The following SVIL variants were observed in gnomAD, a reference collection of about 807,000 sequenced individuals.
SVIL encodes the protein supervillin.
Under a neutral mutation model 240.4 loss-of-function variants are expected in SVIL, and 101 were observed. The ratio of observed to expected loss-of-function variants is 0.42; its 90% CI spans 0.36 to 0.50. SVIL has a LOEUF of 0.50. Ranked by LOEUF, SVIL falls within the 20% of genes least tolerant of loss-of-function variation. The pLI, the probability that SVIL is intolerant of heterozygous loss-of-function variation, is 0.01. For synonymous variants in SVIL, 999 were observed against 1,100.0 expected, an observed-to-expected ratio of 0.91 and a Z score of 1.82; for missense variants, 2,512 against 2,818.7, an observed-to-expected ratio of 0.89 and a Z score of 2.46.
At chr10:29,609,083 A>G (rs1481757656) in intron 1 of SVIL, among the ~76,000 whole-genome samples, 1 of 152,094 alleles carries the variant, frequency 6.6e-6, no homozygotes, top group Non-Finnish European at 1.5e-5. Context: ...GGAGCTACCC[A>G]CTTTGGGTCT....
intron 2 of SVIL, among the ~76,000 whole-genome samples, chr10:29,679,516 G>A (rs1005496933): frequency 1.3e-5 from 2 of 151,174 alleles, no homozygotes; most frequent in African/African-American, 2.4e-5. Flanking sequence ...GTCTGAAGAT[G>A]AATGATTAGA....
At chr10:29,469,971 A>G (rs1160276515) in intron 32 of SVIL, among the ~76,000 whole-genome samples, 2 of 152,146 alleles carry the variant, frequency 1.3e-5, no homozygotes, top group African/African-American at 4.8e-5. Context: ...TTCTCATCCA[A>G]AAGCTGAACG....
chr10:29,696,885 G>A (rs1157932276), intron 1 of SVIL, among the ~76,000 whole-genome samples: 14 of 145,088 alleles, frequency 9.6e-5, no homozygotes, highest in East Asian at 4.4e-4. Flanking sequence ...CTGCCCGGCC[G>A]CCCCTACTGG....
intron 21 of SVIL, among the ~76,000 whole-genome samples, chr10:29,491,820 G>A (rs1178974396): frequency 6.6e-6 from 1 of 152,224 alleles, no homozygotes; most frequent in Non-Finnish European, 1.5e-5. Context: ...TACTTAAACA[G>A]TGACATTGTG....
chr10:29,474,976 C>G (rs1383083034), intron 29 of SVIL, among the ~76,000 whole-genome samples: 2 of 152,198 alleles, frequency 1.3e-5, no homozygotes, highest in East Asian at 3.9e-4. Flanking sequence ...ACTGCACAGG[C>G]ACTCGGTAAA....
chr10:29,470,140 C>T, intron 32 of SVIL, 136 bp downstream of exon 32: 1 of 990,934 alleles, frequency 1.0e-6, no homozygotes. Flanking sequence ...GGCCCCTGAC[C>T]ACGTTCCCAG....
At chr10:29,591,394 C>T (rs1316370216) in intron 1 of SVIL, among the ~76,000 whole-genome samples, 1 of 152,132 alleles carries the variant, frequency 6.6e-6, no homozygotes, top group East Asian at 1.9e-4. Flanking sequence ...AACTAAGAGG[C>T]TTTATTGTCA....
chr10:29,698,539 T>C (rs1419304531), intron 1 of SVIL, among the ~76,000 whole-genome samples: 1 of 148,304 alleles, frequency 6.7e-6, no homozygotes, highest in African/African-American at 2.5e-5. Context: ...GTGTTGTATG[T>C]ATGGTGACTT....
chr10:29,693,215 A>C (rs1212403057), intron 1 of SVIL, among the ~76,000 whole-genome samples: 1 of 151,874 alleles, frequency 6.6e-6, no homozygotes, highest in African/African-American at 2.4e-5. Context: ...CCCAGGTGTT[A>C]GAGACAAGTC....
chr10:29,545,177 T>C, intron 6 of SVIL: 1 of 499,922 alleles, frequency 2.0e-6, no homozygotes, highest in Non-Finnish European at 4.1e-6. Flanking sequence ...GTTTTTAGAC[T>C]AAAATCTCTC....
intron 3 of SVIL, among the ~76,000 whole-genome samples, chr10:29,651,206 C>T (rs1002504847): frequency 1.3e-5 from 2 of 152,126 alleles, no homozygotes; most frequent in African/African-American, 4.8e-5. Context: ...GAAGGGCTGG[C>T]TCCCAGGAAG....
chr10:29,509,328 AGG>A (rs1564540828), intron 17 of SVIL, among the ~76,000 whole-genome samples: 2,502 of 91,704 alleles, frequency 0.027, 74 homozygotes, highest in Admixed American at 0.074. Context: ...AAGGAGGGGG[AGG>A]GAGAGAGAGA....
chr10:29,627,859 T>C (rs1016670211), intron 1 of SVIL, among the ~76,000 whole-genome samples: 2 of 152,328 alleles, frequency 1.3e-5, no homozygotes, highest in East Asian at 3.9e-4. Context: ...ATAAAAAATG[T>C]ATGAAATCAT....
rs532946797 is a variant in SVIL at position 29,550,919 on chromosome 10, C to T, written c.505G>A (p.Gly169Arg). Residue 169 changes from glycine (G) to arginine (R), a missense_variant, in exon 6 of 38, where the codon GGG becomes AGG. By Grantham distance (125) the Gly-to-Arg change is moderately radical (BLOSUM62 -2). Transcript: ENST00000355867. ...SSRDASSLYP[G>R]TETMGLRTCA... ...GTCCTGAGCCCCATCGTCTCGGTCCCGGGGTACAGAGAACTAGCATCTCTG... is the reference window on the plus strand; with the variant it reads ...GTCCTGAGCCCCATCGTCTCGGTCCTGGGGTACAGAGAACTAGCATCTCTG... 3.7e-6 allele frequency: 6 copies of T among 1,614,050 alleles called. No individual in the cohort carries two copies. In the South Asian group the frequency reaches 4.4e-5, roughly 12 times the overall value.
rs750857578 is a variant in SVIL at position 29,493,338 on chromosome 10, C to T, written c.3895G>A (p.Val1299Met). Residue 1299 changes from valine to methionine, a missense_variant, in exon 21 of 38, where the codon GTG becomes ATG. This residue lies in a region of SVIL where 272 missense variants were observed against 406.8 expected (regional missense o/e 0.67). Transcript: ENST00000355867. ...LTVTGKSVKE[V>M]MKPDDDETFA... ...GTTTCATCATCATCTGGCTTCATCA[C>T]CTCCTTCACAGATTTGCCGGTGACA... The T allele has an allele frequency of 1.2e-6, 2 of 1,614,164 alleles. No individual in the cohort carries two copies. The highest frequency in any genetic ancestry group is 1.7e-6 in the Non-Finnish European group (2 of 1,180,032).
intron 1 of SVIL, among the ~76,000 whole-genome samples, chr10:29,606,113 G>A (rs1957010744): frequency 1.3e-5 from 2 of 152,102 alleles, no homozygotes; most frequent in South Asian, 4.2e-4. Flanking sequence ...CTTCTGTCAC[G>A]TTGGCCAGGC....
intron 5 of SVIL, among the ~76,000 whole-genome samples, chr10:29,554,147 T>C (rs1953669240): frequency 6.6e-6 from 1 of 152,032 alleles, no homozygotes; most frequent in Non-Finnish European, 1.5e-5. Context: ...TTGCTGTTTT[T>C]AGCAAATCTA....
chr10:29,676,889 G>A (rs115617210), intron 2 of SVIL, among the ~76,000 whole-genome samples: 56 of 152,212 alleles, frequency 3.7e-4, no homozygotes, highest in Admixed American at 9.8e-4. Flanking sequence ...AACACCTGTG[G>A]AGATTTAGCC....
chr10:29,511,732 CA>C (rs762546669), intron 17 of SVIL, among the ~76,000 whole-genome samples: 2 of 152,128 alleles, frequency 1.3e-5, no homozygotes, highest in Non-Finnish European at 2.9e-5. Context: ...ATGTATGTCT[CA>C]AAGAAGAGAA....
Sources: allele counts gnomAD v4.1 joint callset (sites outside exome capture counted in the v4.1 genomes callset), GRCh38; gene constraint gnomAD v4.1.1; regional missense constraint gnomAD v4.1.1; transcripts MANE v1.5; gene names NCBI Gene and HGNC (gene_info 2026-07-23, HGNC 2026-07-21).